The following DLG2 variants were observed in gnomAD, a reference collection of about 807,000 sequenced individuals.
The protein encoded by DLG2 is discs large MAGUK scaffold protein 2.
In DLG2, 45 loss-of-function variants were observed where a neutral mutation model predicts 132.5. The observed-to-expected ratio is 0.34, with a 90% CI of 0.27 to 0.44. DLG2 has a LOEUF of 0.44. Among genes scored for constraint, DLG2 ranks in the 20% least tolerant of loss-of-function variants. The pLI is 1.00. For synonymous variants in DLG2, 424 were observed against 419.6 expected, an observed-to-expected ratio of 1.01 and a Z score of -0.13; for missense variants, 1,045 against 1,196.9, an observed-to-expected ratio of 0.87 and a Z score of 1.87.
intron 4 of DLG2, among the ~76,000 whole-genome samples, chr11:85,253,292 A>G (rs2076490981): frequency 6.6e-6 from 1 of 152,124 alleles, no homozygotes; most frequent in African/African-American, 2.4e-5. Context: ...GCAAAACAAA[A>G]TTTTTATATA....
intron 3 of DLG2, among the ~76,000 whole-genome samples, chr11:85,489,728 T>C (rs1191801670): frequency 2.0e-5 from 3 of 152,146 alleles, no homozygotes; most frequent in Admixed American, 6.5e-5. Flanking sequence ...TCTCAGATCA[T>C]AGTGGAATAA....
At chr11:83,704,529 T>C (rs929375663) in intron 18 of DLG2, among the ~76,000 whole-genome samples, 2 of 151,744 alleles carry the variant, frequency 1.3e-5, no homozygotes, top group African/African-American at 4.8e-5. Flanking sequence ...AAAAAATGTA[T>C]AATTTGACCG....
intron 6 of DLG2, among the ~76,000 whole-genome samples, chr11:84,717,403 G>T (rs892012832): frequency 6.6e-6 from 1 of 151,774 alleles, no homozygotes; most frequent in Non-Finnish European, 1.5e-5. Context: ...AATCAATATT[G>T]TAAGAAATGT....
intron 14 of DLG2, among the ~76,000 whole-genome samples, chr11:83,951,468 G>A (rs932748598): frequency 1.3e-5 from 2 of 152,126 alleles, no homozygotes; most frequent in African/African-American, 2.4e-5. Context: ...AAGGGTGATC[G>A]TGGATGGCTC....
At chr11:84,545,183 C>T in intron 6 of DLG2, 1 of 456,324 alleles carries the variant, frequency 2.2e-6, no homozygotes, top group Non-Finnish European at 4.3e-6. Flanking sequence ...CCACGAGAGC[C>T]TCCTTGGTTT....
chr11:85,599,552 C>T (rs1278436235), intron 2 of DLG2, among the ~76,000 whole-genome samples: 1 of 152,152 alleles, frequency 6.6e-6, no homozygotes, highest in Non-Finnish European at 1.5e-5. Flanking sequence ...TAACACGTTC[C>T]TTAACCTCTC....
intron 5 of DLG2, among the ~76,000 whole-genome samples, chr11:85,115,461 AAACT>A (rs1279505383): frequency 1.3e-5 from 2 of 152,026 alleles, no homozygotes; most frequent in African/African-American, 4.8e-5. Flanking sequence ...GGAGAAAGAT[AAACT>A]AATAAAGCTG....
intron 6 of DLG2, among the ~76,000 whole-genome samples, chr11:84,596,474 C>T (rs538172346): frequency 6.6e-6 from 1 of 151,304 alleles, no homozygotes; most frequent in Admixed American, 6.6e-5. Context: ...CTGCTCACCT[C>T]GGTCTCCCAA....
chr11:83,645,095 T>C (rs2067755459), intron 18 of DLG2, among the ~76,000 whole-genome samples: 1 of 152,114 alleles, frequency 6.6e-6, no homozygotes, highest in African/African-American at 2.4e-5. Context: ...AGAAGGGACA[T>C]ACATTTGGTA....
intron 6 of DLG2, among the ~76,000 whole-genome samples, chr11:84,844,147 A>ATG (rs2081165520): frequency 1.2e-5 from 1 of 81,808 alleles, no homozygotes; most frequent in Admixed American, 1.5e-4. Context: ...ATATATATAT[A>ATG]TATATATATA....
At chr11:84,983,792 T>C (rs557978870) in intron 6 of DLG2, among the ~76,000 whole-genome samples, 1 of 152,036 alleles carries the variant, frequency 6.6e-6, no homozygotes, top group Non-Finnish European at 1.5e-5. Flanking sequence ...ATAGACAGCA[T>C]AAAGAAAAAA....
intron 4 of DLG2, among the ~76,000 whole-genome samples, chr11:85,273,407 A>G (rs2077672300): frequency 6.6e-6 from 1 of 152,172 alleles, no homozygotes; most frequent in Admixed American, 6.5e-5. Flanking sequence ...AAAATTTACA[A>G]GAAAAAATCA....
intron 6 of DLG2, among the ~76,000 whole-genome samples, chr11:85,034,705 C>G (rs147747641): frequency 3.7e-3 from 570 of 152,248 alleles, no homozygotes; most frequent in Middle Eastern, 0.02. Context: ...ATTCTGTACC[C>G]TATGCTTCCC....
intron 7 of DLG2, among the ~76,000 whole-genome samples, chr11:84,319,437 T>C (rs1302146147): frequency 6.6e-6 from 1 of 152,180 alleles, no homozygotes; most frequent in Admixed American, 6.5e-5. Context: ...CTTCTCTAGT[T>C]TTTTAGGCAG....
intron 4 of DLG2, among the ~76,000 whole-genome samples, chr11:85,245,931 T>C (rs2076113933): frequency 6.6e-6 from 1 of 151,982 alleles, no homozygotes; most frequent in African/African-American, 2.4e-5. Context: ...AGGTAATTCC[T>C]TCACCTCTTT....
intron 8 of DLG2, among the ~76,000 whole-genome samples, chr11:84,170,879 C>T (rs113498175): frequency 1.3e-5 from 2 of 152,256 alleles, no homozygotes; most frequent in African/African-American, 2.4e-5. Context: ...CCAATTGTTA[C>T]TGTGATTTTT....
intron 6 of DLG2, among the ~76,000 whole-genome samples, chr11:85,061,488 T>A (rs1250069584): frequency 6.6e-6 from 1 of 151,848 alleles, no homozygotes; most frequent in African/African-American, 2.4e-5. Context: ...TGAAGGCATA[T>A]CCCTCAGGAG....
chr11:84,277,720 A>C (rs757567660), intron 7 of DLG2, among the ~76,000 whole-genome samples: 13 of 152,316 alleles, frequency 8.5e-5, no homozygotes, highest in East Asian at 3.9e-4. Context: ...AAAAAATAAC[A>C]GCACAGAAGA....
chr11:84,581,107 T>A (rs2099515304), intron 6 of DLG2, among the ~76,000 whole-genome samples: 1 of 152,232 alleles, frequency 6.6e-6, no homozygotes, highest in African/African-American at 2.4e-5. Context: ...ATGGTGGAAC[T>A]CATTATTTTA....
Sources: allele counts gnomAD v4.1 joint callset (sites outside exome capture counted in the v4.1 genomes callset), GRCh38; gene constraint gnomAD v4.1.1; transcripts MANE v1.5; gene names NCBI Gene and HGNC (gene_info 2026-07-23, HGNC 2026-07-21).